Variants in COP1 observed in about 807,000 individuals in gnomAD.
COP1 encodes E3 ubiquitin-protein ligase COP1.
COP1 carries 24 observed loss-of-function variants against 101.3 expected under a neutral mutation model. That is an observed-to-expected ratio of 0.24 (90% CI 0.17 to 0.33). COP1 has a LOEUF of 0.33. COP1 is among the 10% of genes least tolerant of loss of function. COP1 has a pLI of 1.00. For synonymous variants in COP1, 347 were observed against 341.9 expected (o/e 1.01, Z -0.17); for missense variants, 663 against 906.2 (o/e 0.73, Z 3.45).
At chr1:176,060,832 AC>A (rs1204182134) in intron 11 of COP1, among the ~76,000 whole-genome samples, 1 of 152,128 alleles carries the variant, frequency 6.6e-6, no homozygotes, top group Admixed American at 6.5e-5. Context: ...AAAATCAGAA[AC>A]CCATTTTGTG....
chr1:176,123,796 T>C (rs778701089), intron 8 of COP1, among the ~76,000 whole-genome samples: 1 of 152,130 alleles, frequency 6.6e-6, no homozygotes, highest in Non-Finnish European at 1.5e-5. Flanking sequence ...CTTTCTCTTA[T>C]AAAAAGGAAA....
chr1:176,165,383 T>TGG (rs1558240649), intron 3 of COP1, among the ~76,000 whole-genome samples: 24 of 150,174 alleles, frequency 1.6e-4, no homozygotes, highest in African/African-American at 5.9e-4. Flanking sequence ...TGTGTGTGTG[T>TGG]GTGTGTGTGT....
chr1:176,094,663 T>C (rs924029266), intron 9 of COP1, among the ~76,000 whole-genome samples: 4 of 149,322 alleles, frequency 2.7e-5, no homozygotes, highest in African/African-American at 9.8e-5. Flanking sequence ...ATTTGGTCAT[T>C]GGAAAAAGTT....
At chr1:176,132,522 C>G (rs1198876973) in intron 8 of COP1, among the ~76,000 whole-genome samples, 1 of 147,912 alleles carries the variant, frequency 6.8e-6, no homozygotes, top group Non-Finnish European at 1.5e-5. Flanking sequence ...TGTGTATATA[C>G]ACACACACAT....
chr1:176,006,900 T>G (rs560129659), intron 15 of COP1, among the ~76,000 whole-genome samples: 38 of 152,136 alleles, frequency 2.5e-4, no homozygotes, highest in African/African-American at 9.2e-4. Context: ...TGGCCTGCCT[T>G]GCTAGATTGG....
In COP1 at chr1:176,187,402, C is replaced by CGTGTGT. The variant is rs35205766; in HGVS notation, c.408-2716_408-2711dup. Among the ~76,000 whole-genome samples the CGTGTGT allele has an allele frequency of 5.8e-4, 87 of 149,230 alleles. 1 individual carries two copies. The highest frequency in any genetic ancestry group is 2.1e-3 in the African/African-American group (84 of 40,682). On this transcript the variant is annotated intron_variant, in intron 1 of 19. Coordinates refer to ENST00000367669, the MANE Select transcript of COP1 (RefSeq NM_022457.7). ...ACATATATATACACATATAAATATACGTGTGTGTGTGTGTGTGTGTGTGTG... is the reference window on the plus strand; with the variant it reads ...ACATATATATACACATATAAATATACGTGTGTGTGTGTGTGTGTGTGTGTGTGTGTG...
At chr1:176,182,548 G>A (rs751535455) in intron 2 of COP1, among the ~76,000 whole-genome samples, 3 of 152,136 alleles carry the variant, frequency 2.0e-5, no homozygotes, top group Non-Finnish European at 4.4e-5. Flanking sequence ...AGTCACCTAC[G>A]ACAAAGAATT....
At position 176,046,328 on chromosome 1, in the gene COP1, A is replaced by C. The variant is rs1671510866; in HGVS notation, c.1278-4T>G. 6.2e-6 allele frequency: 10 copies of C among 1,605,738 alleles called. No individual in the cohort carries two copies. The East Asian group carries it at 2.2e-4, about 36-fold the overall frequency. ...ACAATCCCGGTCAAATTCAATACTA[A>C]GGGGAAAAAGTATGTAATGACAACA... On this transcript the variant is annotated splice_polypyrimidine_tract_variant and splice_region_variant and intron_variant, in intron 11 of 19. Coordinates refer to ENST00000367669, the MANE Select transcript of COP1 (RefSeq NM_022457.7).
At chr1:176,060,761 T>A (rs1231792563) in intron 11 of COP1, among the ~76,000 whole-genome samples, 6 of 152,188 alleles carry the variant, frequency 3.9e-5, no homozygotes, top group Non-Finnish European at 8.8e-5. Flanking sequence ...TTTAGAAGAA[T>A]ATTTCATCAT....
At chr1:176,012,290 T>C (rs1469562502) in intron 15 of COP1, among the ~76,000 whole-genome samples, 2 of 152,192 alleles carry the variant, frequency 1.3e-5, no homozygotes, top group African/African-American at 2.4e-5. Context: ...TGCACCACCA[T>C]GCTCCACTAA....
At chr1:176,017,459 GACCATTTAA>G (rs1026642060) in intron 15 of COP1, 1 of 152,128 alleles carries the variant, frequency 6.6e-6, no homozygotes, top group African/African-American at 2.4e-5. Context: ...AATAAATTTT[GACCATTTAA>G]ACATACACAG....
chr1:176,001,681 A>G (rs572844482), intron 15 of COP1, among the ~76,000 whole-genome samples: 1 of 152,272 alleles, frequency 6.6e-6, no homozygotes, highest in South Asian at 2.1e-4. Flanking sequence ...CGATATGATT[A>G]TCTTAACCAG....
chr1:176,064,091 C>G (rs1407854748), intron 11 of COP1, among the ~76,000 whole-genome samples: 1 of 152,118 alleles, frequency 6.6e-6, no homozygotes, highest in African/African-American at 2.4e-5. Context: ...ACCATCTGTA[C>G]CTGACGGATC....
At chr1:176,120,685 C>T (rs908873760) in intron 8 of COP1, among the ~76,000 whole-genome samples, 1 of 152,130 alleles carries the variant, frequency 6.6e-6, no homozygotes, top group African/African-American at 2.4e-5. Context: ...AGATTATTTT[C>T]CTTCAAAAGC....
intron 3 of COP1, among the ~76,000 whole-genome samples, chr1:176,164,765 T>C (rs1050238612): frequency 6.6e-6 from 1 of 152,216 alleles, no homozygotes; most frequent in East Asian, 1.9e-4. Context: ...ACATTTTCCA[T>C]AATGTTTAAC....
intron 3 of COP1, among the ~76,000 whole-genome samples, chr1:176,170,941 C>A (rs1268005807): frequency 6.6e-6 from 1 of 151,786 alleles, no homozygotes; most frequent in Non-Finnish European, 1.5e-5. Flanking sequence ...CTGGCTAACA[C>A]AGTGAAACCC....
chr1:175,973,360 A>C (rs1312235527), intron 18 of COP1, among the ~76,000 whole-genome samples: 1 of 152,216 alleles, frequency 6.6e-6, no homozygotes, highest in African/African-American at 2.4e-5. Context: ...TGCATGTACT[A>C]ATCTTTTCTT....
chr1:176,206,511 C>G (rs1700869288), intron 1 of COP1, 61 bp downstream of exon 1: 3 of 1,581,094 alleles, frequency 1.9e-6, no homozygotes, highest in Non-Finnish European at 2.6e-6. Flanking sequence ...CCCCCGCCCC[C>G]AAGCCTAAGC....
chr1:176,184,124 G>A (rs539373788), intron 2 of COP1, among the ~76,000 whole-genome samples: 5 of 151,788 alleles, frequency 3.3e-5, no homozygotes, highest in Admixed American at 6.6e-5. Flanking sequence ...ATATAAATTC[G>A]GTATTATGTA....
Sources: gnomAD v4.1 joint callset for allele counts (sites outside exome capture counted in the v4.1 genomes callset) on GRCh38, gnomAD v4.1.1 for gene constraint, MANE v1.5 for transcripts, NCBI Gene and HGNC (gene_info 2026-07-23, HGNC 2026-07-21) for gene names.